The following H2BC5 variants were observed in gnomAD, a reference collection of about 807,000 sequenced individuals.
H2BC5 encodes histone H2B type 1-D.
H2BC5 carries 9 observed loss-of-function variants against 5.7 expected under a neutral mutation model. The observed-to-expected ratio is 1.57, with a 90% CI of 0.95 to 2.74. The LOEUF is 2.74. H2BC5 is among the 30% of genes most tolerant of loss of function. The probability of loss-of-function intolerance (pLI) is 0.00; values close to 1 mark genes in which losing one functional copy is unlikely to be tolerated. For missense variants in H2BC5, 175 were observed against 168.8 expected, an observed-to-expected ratio of 1.04 and a Z score of -0.20; for synonymous variants, 133 against 70.9, an observed-to-expected ratio of 1.88 and a Z score of -4.40.
downstream of H2BC5, among the ~76,000 whole-genome samples, chr6:26,159,613 G>A (rs975963249): frequency 2.0e-5 from 3 of 152,150 alleles, no homozygotes; most frequent in African/African-American, 7.2e-5. Flanking sequence ...ACAAATACTT[G>A]AGACGTGAAA....
chr6:26,169,929 A>AG (rs1485401638), intron 1 of H2BC5, among the ~76,000 whole-genome samples: 2 of 152,028 alleles, frequency 1.3e-5, no homozygotes, highest in Non-Finnish European at 1.5e-5. Context: ...AAAAAGAAAA[A>AG]GGGGGGTGAG....
rs1283452303 is a variant in H2BC5 at position 26,158,258 on chromosome 6, G to A, written c.89G>A (p.Arg30His). The change falls in exon 1 of 1, where the codon CGC becomes CAC. Residue 30 changes from arginine to histidine, a missense_variant. Coordinates refer to ENST00000377777, the MANE Select transcript of H2BC5 (RefSeq NM_021063.4). ...TKAQKKDGKK[R>H]KRSRKESYSV... ...GCTCAGAAGAAGGACGGGAAGAAGC[G>A]CAAGCGCAGCCGCAAGGAGAGCTAT... 5 of 1,614,274 alleles carry A rather than the reference G, an allele frequency of 3.1e-6. No individual in the cohort carries two copies. Among genetic ancestry groups the A allele is most frequent in the Non-Finnish European group, 2.5e-6 (3 of 1,180,052 alleles).
At position 26,158,492 on chromosome 6, in the gene H2BC5, C is replaced by T; in HGVS notation, c.323C>T (p.Ala108Val). 6.2e-7 allele frequency: 1 copy of T among 1,614,238 alleles called. No individual in the cohort carries two copies. Among genetic ancestry groups the T allele is most frequent in the Non-Finnish European group, 8.5e-7 (1 of 1,180,046 alleles). Residue 108 changes from alanine to valine, a missense_variant, in exon 1 of 1, where the codon GCC (alanine) becomes GTC (valine). Ala to Val is a moderately conservative substitution (Grantham distance 64, BLOSUM62 0). Transcript: ENST00000377777. ...CGCCTGCTGCTTCCGGGGGAGCTGG[C>T]CAAGCACGCCGTGTCGGAGGGCACC... ...AVRLLLPGEL[A>V]KHAVSEGTKA...
chr6:26,167,048 TC>T (rs1172587101), intron 1 of H2BC5, among the ~76,000 whole-genome samples: 22 of 79,480 alleles, frequency 2.8e-4, no homozygotes, highest in South Asian at 6.1e-4. Context: ...TTTTGTTTTC[TC>T]TTTTTTTTTT....
chr6:26,162,456 TTGA>T (rs1266432836), downstream of H2BC5, among the ~76,000 whole-genome samples: 1 of 152,164 alleles, frequency 6.6e-6, no homozygotes, highest in African/African-American at 2.4e-5. Context: ...ACTTCGGTGG[TTGA>T]TGATTTATAA....
At chr6:26,163,095 A>G (rs1764373930), downstream of H2BC5, among the ~76,000 whole-genome samples, 1 of 149,238 alleles carries the variant, frequency 6.7e-6, no homozygotes, top group African/African-American at 2.5e-5. Context: ...TTCCATTTCT[A>G]TTTGCATAAA....
At chr6:26,162,421 C>G (rs372468826), downstream of H2BC5, among the ~76,000 whole-genome samples, 5 of 152,172 alleles carry the variant, frequency 3.3e-5, no homozygotes, top group African/African-American at 1.2e-4. Context: ...CAGGTATTGT[C>G]TTTTTCCTCC....
chr6:26,169,925 A>T (rs1396402035), intron 1 of H2BC5, among the ~76,000 whole-genome samples: 1 of 151,918 alleles, frequency 6.6e-6, no homozygotes, highest in Non-Finnish European at 1.5e-5. Context: ...AAAGAAAAAG[A>T]AAAAGGGGGG....
rs62623440 is a variant in H2BC5 at position 26,158,228 on chromosome 6, C to T, written c.59C>T (p.Thr20Ile). 2,825 of 1,614,228 alleles carry T rather than the reference C, an allele frequency of 1.8e-3. 45 individuals carry two copies. The African/African-American group carries it at 0.033, about 19-fold the overall frequency. The change falls in exon 1 of 1, where the codon ACT becomes ATT. Residue 20 changes from threonine (T) to isoleucine (I), a missense_variant. Transcript: ENST00000377777. ...APKKGSKKAV[T>I]KAQKKDGKKR... Reference sequence around the variant, plus strand: ...AAGAAGGGCTCCAAGAAGGCGGTGACTAAGGCTCAGAAGAAGGACGGGAAG... The same window carrying T: ...AAGAAGGGCTCCAAGAAGGCGGTGATTAAGGCTCAGAAGAAGGACGGGAAG...
At chr6:26,163,503 A>G (rs992603032), downstream of H2BC5, 1 of 152,186 alleles carries the variant, frequency 6.6e-6, no homozygotes, top group African/African-American at 2.4e-5. Context: ...AGCTGTAAAC[A>G]TAGGCTGCAA....
In H2BC5 at chr6:26,169,676, A is replaced by G. The variant is rs200357686; in HGVS notation, c.*10-1299A>G. Among the ~76,000 whole-genome samples, 74 of 152,090 alleles carry G rather than the reference A, an allele frequency of 4.9e-4. 1 individual carries two copies. The highest frequency in any genetic ancestry group is 2.6e-3 in the Admixed American group (39 of 15,260). ...AAAGGAATGGAAGAAGCAAACTCCT[A>G]CTAAAAAAGGGAGGGGCCAGGTGCA... On this transcript the variant is annotated intron_variant, in intron 1 of 1. Transcript: ENST00000289316.
At chr6:26,168,518 A>G (rs1764470724) in intron 1 of H2BC5, among the ~76,000 whole-genome samples, 1 of 152,086 alleles carries the variant, frequency 6.6e-6, no homozygotes, top group Non-Finnish European at 1.5e-5. Flanking sequence ...AAAAAAATGT[A>G]AAAAATTTAT....
chr6:26,161,720 C>T (rs1458064817), downstream of H2BC5, among the ~76,000 whole-genome samples: 1 of 152,098 alleles, frequency 6.6e-6, no homozygotes, highest in Non-Finnish European at 1.5e-5. Context: ...TGCAGAGAGC[C>T]ATGATCACAC....
intron 1 of H2BC5, among the ~76,000 whole-genome samples, chr6:26,167,866 G>C (rs774141772): frequency 9.2e-5 from 14 of 151,972 alleles, no homozygotes; most frequent in Admixed American, 3.3e-4. Context: ...CTATGGGCTA[G>C]GGTATCATAT....
downstream of H2BC5, among the ~76,000 whole-genome samples, chr6:26,160,514 G>GAAAAAAA (rs34183291): frequency 7.3e-5 from 4 of 55,172 alleles, no homozygotes; most frequent in Admixed American, 2.2e-4. Context: ...TCCTGTCTCT[G>GAAAAAAA]AAAAAAAAAA....
downstream of H2BC5, among the ~76,000 whole-genome samples, chr6:26,159,952 A>G (rs149603105): frequency 1.8e-4 from 27 of 152,312 alleles, no homozygotes; most frequent in East Asian, 5.2e-3. Flanking sequence ...ACCCGTGGAA[A>G]CTGACCAGGG....
rs557853935 is a variant in H2BC5, at chr6:26,166,753, G to A, written c.*10-4222G>A. ...CTTGTTCTGTCACCCAGGCTAAAGT[G>A]CAATGGTTTGATCTTGGCTCACTGC... is the stretch of plus-strand genomic sequence containing the variant. On this transcript the variant is annotated intron_variant, in intron 1 of 1. Transcript: ENST00000289316. Among the ~76,000 whole-genome samples, 693 of 134,590 alleles carry A rather than the reference G, an allele frequency of 5.1e-3. 3 individuals are homozygous for A. Among genetic ancestry groups the A allele is most frequent in the Non-Finnish European group, 6.4e-3 (421 of 65,272 alleles). 88.3% of individuals were successfully genotyped at this position (134,590 alleles called of 152,430 possible).
At chr6:26,169,438 C>T (rs1185012632) in intron 1 of H2BC5, among the ~76,000 whole-genome samples, 2 of 152,066 alleles carry the variant, frequency 1.3e-5, no homozygotes, top group African/African-American at 2.4e-5. Context: ...GTCAAATGAA[C>T]GTGGGCTCAT....
At position 26,158,122 on chromosome 6, in the gene H2BC5, ATTATTTTCTCAGGTG is replaced by A; in HGVS notation, c.-45_-31del. On this transcript the variant is annotated 5_prime_UTR_variant, in exon 1 of 1. Coordinates refer to ENST00000377777, the MANE Select transcript of H2BC5 (RefSeq NM_021063.4). Reference sequence around the variant, plus strand: ...AATGAACAGGGCCTCGGCGGGAGTGATTATTTTCTCAGGTGTTTGCAACAGTGTTCTAACTATTAA... The same window carrying A: ...AATGAACAGGGCCTCGGCGGGAGTGATTTGCAACAGTGTTCTAACTATTAA... The A allele has an allele frequency of 6.4e-7, 1 of 1,572,552 alleles. No homozygotes were observed. Among genetic ancestry groups the A allele is most frequent in the Non-Finnish European group, 8.6e-7 (1 of 1,160,830 alleles).
Sources: gnomAD v4.1 joint callset for allele counts (sites outside exome capture counted in the v4.1 genomes callset) on GRCh38, gnomAD v4.1.1 for gene constraint, MANE v1.5 for transcripts, NCBI Gene and HGNC (gene_info 2026-07-23, HGNC 2026-07-21) for gene names.